Variants in VPS13D observed in about 807,000 individuals in gnomAD.
VPS13D encodes vacuolar protein sorting 13 homolog D.
VPS13D carries 187 observed loss-of-function variants against 461.9 expected under a neutral mutation model. The observed-to-expected ratio is 0.40, with a 90% CI of 0.36 to 0.46. The LOEUF (loss-of-function observed/expected upper bound fraction) is 0.46. VPS13D is among the 20% of genes least tolerant of loss of function. The pLI, the probability that VPS13D is intolerant of heterozygous loss-of-function variation, is 0.60. For synonymous variants in VPS13D, 1,951 were observed against 1,986.3 expected (o/e 0.98, Z 0.47); for missense variants, 4,711 against 5,364.9 (o/e 0.88, Z 3.81).
chr1:12,297,743 G>A (rs904344138), intron 24 of VPS13D, among the ~76,000 whole-genome samples: 1 of 152,124 alleles, frequency 6.6e-6, no homozygotes, highest in African/African-American at 2.4e-5. Flanking sequence ...CAGGTGCTAG[G>A]AACAGAGTGG....
At chr1:12,252,179 C>T (rs1024454107) in intron 6 of VPS13D, among the ~76,000 whole-genome samples, 14 of 152,098 alleles carry the variant, frequency 9.2e-5, no homozygotes, top group East Asian at 7.7e-4. Flanking sequence ...ACCTAATTTT[C>T]GAATAAGGTT....
At chr1:12,262,170 T>C in intron 13 of VPS13D, 90 bp downstream of exon 13, 1 of 1,426,578 alleles carries the variant, frequency 7.0e-7, no homozygotes, top group Non-Finnish European at 9.4e-7. Context: ...GGGGATAGTC[T>C]AGAAAGTCAG....
intron 66 of VPS13D, among the ~76,000 whole-genome samples, chr1:12,458,291 G>A (rs1005101336): frequency 2.0e-5 from 3 of 152,170 alleles, no homozygotes; most frequent in African/African-American, 7.2e-5. Context: ...TAAGAAATGG[G>A]AATTGTGCTC....
At chr1:12,438,428 G>A (rs968058538) in intron 65 of VPS13D, among the ~76,000 whole-genome samples, 1 of 152,186 alleles carries the variant, frequency 6.6e-6, no homozygotes, top group Non-Finnish European at 1.5e-5. Context: ...AGAACTGTGA[G>A]AAACAAATTT....
chr1:12,293,630 G>A lies in VPS13D; in HGVS notation c.5959G>A (p.Val1987Met). The A allele has an allele frequency of 6.2e-7, 1 of 1,614,194 alleles. No homozygotes were observed. Among genetic ancestry groups the A allele is most frequent in the Non-Finnish European group, 8.5e-7 (1 of 1,180,026 alleles). The change falls in exon 24 of 70, where the codon GTG becomes ATG. Residue 1987 changes from valine (V) to methionine (M), a missense_variant. Val to Met is a conservative substitution (Grantham distance 21). Coordinates refer to ENST00000620676, the MANE Select transcript of VPS13D (RefSeq NM_015378.4). ...VHTQRFQAEVVAFIQHFTQLQ... is the reference protein window; with the variant it reads ...VHTQRFQAEVMAFIQHFTQLQ... Reference sequence around the variant, plus strand: ...TACTCAGCGTTTCCAGGCAGAGGTGGTGGCCTTCATTCAGCATTTCACTCA... The same window carrying A: ...TACTCAGCGTTTCCAGGCAGAGGTGATGGCCTTCATTCAGCATTTCACTCA...
chr1:12,420,888 T>G (rs1428142344), intron 65 of VPS13D, among the ~76,000 whole-genome samples: 1 of 152,236 alleles, frequency 6.6e-6, no homozygotes, highest in African/African-American at 2.4e-5. Flanking sequence ...TTCTGTCACA[T>G]AAGAAGATAA....
chr1:12,358,135 A>G (rs1026082948), intron 49 of VPS13D, among the ~76,000 whole-genome samples: 1 of 152,224 alleles, frequency 6.6e-6, no homozygotes, highest in Admixed American at 6.5e-5. Context: ...TTTGACTTGA[A>G]TTCTTTATTT....
chr1:12,387,509 T>C (rs1644364797), intron 60 of VPS13D, among the ~76,000 whole-genome samples: 1 of 152,062 alleles, frequency 6.6e-6, no homozygotes, highest in Non-Finnish European at 1.5e-5. Context: ...TTGGAGGACG[T>C]TAAAACTGTT....
At chr1:12,247,295 C>G (rs1239026842) in intron 5 of VPS13D, among the ~76,000 whole-genome samples, 1 of 151,894 alleles carries the variant, frequency 6.6e-6, no homozygotes, top group Non-Finnish European at 1.5e-5. Context: ...TGCGTGTCGT[C>G]CCAGCTACTT....
At chr1:12,497,373 G>A (rs1476849659) in intron 67 of VPS13D, 127 bp from the exon 68 acceptor site, 3 of 1,181,392 alleles carry the variant, frequency 2.5e-6, no homozygotes, top group Non-Finnish European at 3.5e-6. Context: ...CAGTACTGTA[G>A]GTTAATTCTG....
At chr1:12,397,859 G>C (rs747305217) in intron 60 of VPS13D, among the ~76,000 whole-genome samples, 9 of 152,144 alleles carry the variant, frequency 5.9e-5, no homozygotes, top group Non-Finnish European at 1.2e-4. Context: ...ACCATTTCAG[G>C]CAATTCAGAG....
rs1641838588 is a variant in VPS13D at position 12,283,063 on chromosome 1, T to C, written c.4961T>C (p.Phe1654Ser). 1 of 1,614,068 alleles carries C rather than the reference T, an allele frequency of 6.2e-7. No individual in the cohort carries two copies. The highest frequency in any genetic ancestry group is 1.3e-5 in the African/African-American group (1 of 74,922). ...SLKFQDFEVEFSKDHPQTLSI... is the reference protein window; with the variant it reads ...SLKFQDFEVESSKDHPQTLSI... Reference sequence around the variant, plus strand: ...AAGTTTCAGGACTTTGAGGTGGAATTCAGTAAAGACCATCCCCAGACTTTA... The same window carrying C: ...AAGTTTCAGGACTTTGAGGTGGAATCCAGTAAAGACCATCCCCAGACTTTA... Residue 1654 changes from phenylalanine to serine, a missense_variant, in exon 21 of 70, where the codon TTC becomes TCC. By Grantham distance (155) the Phe-to-Ser change is radical. Transcript: ENST00000620676.
chr1:12,242,349 A>G, intron 2 of VPS13D, among the ~76,000 whole-genome samples, 164 bp from the exon 3 acceptor site: 1 of 152,204 alleles, frequency 6.6e-6, no homozygotes, highest in East Asian at 1.9e-4. Flanking sequence ...TTTAACCTAC[A>G]CATGATGTAG....
intron 63 of VPS13D, chr1:12,409,741 C>A: frequency 6.3e-6 from 2 of 315,494 alleles, no homozygotes; most frequent in Non-Finnish European, 1.2e-5. Flanking sequence ...GATTGTTAAC[C>A]AGCTTATAGC....
Position 12,283,219 on chromosome 1 carries a change from T to G in VPS13D, c.5117T>G (p.Leu1706Arg), listed in dbSNP as rs759199716. 6.2e-7 allele frequency: 1 copy of G among 1,614,170 alleles called. No individual in the cohort carries two copies. The highest frequency in any genetic ancestry group is 1.1e-5 in the South Asian group (1 of 91,084). Residue 1706 changes from leucine to arginine, a missense_variant, in exon 21 of 70, where the codon CTT (leucine) becomes CGT (arginine). By Grantham distance (102) the Leu-to-Arg change is moderately radical. This residue lies in a region of VPS13D where 4,411 missense variants were observed against 4,937.8 expected (regional missense o/e 0.89). Coordinates refer to ENST00000620676, the MANE Select transcript of VPS13D (RefSeq NM_015378.4). ...KPSSLAQKEY[L>R]SQSCPSVSNV... ...TCTAGTTTAGCACAAAAAGAATACC[T>G]TTCTCAGTCTTGCCCCTCAGTGTCC...
Position 12,253,990 on chromosome 1 carries a change from A to G in VPS13D, c.669+164A>G, listed in dbSNP as rs1018595471. ...AGTGTGTTTGCTTGAGGTACTTGCTATGTATGTGACTTCGAACAATATATA... is the reference window on the plus strand; with the variant it reads ...AGTGTGTTTGCTTGAGGTACTTGCTGTGTATGTGACTTCGAACAATATATA... On this transcript the variant is annotated intron_variant, in intron 7 of 69. Coordinates refer to ENST00000620676, the MANE Select transcript of VPS13D (RefSeq NM_015378.4). Among the ~76,000 whole-genome samples the G allele has an allele frequency of 4.6e-5, 7 of 152,200 alleles. No homozygotes were observed. In the East Asian group the frequency reaches 9.6e-4, roughly 21 times the overall value.
intron 19 of VPS13D, among the ~76,000 whole-genome samples, chr1:12,278,866 G>C (rs1157571102): frequency 1.3e-5 from 2 of 152,336 alleles, no homozygotes; most frequent in East Asian, 1.9e-4. Context: ...TTCTGGATCT[G>C]ATCAGCTAAA....
chr1:12,449,440 G>A (rs565655523), intron 65 of VPS13D, among the ~76,000 whole-genome samples: 1 of 149,380 alleles, frequency 6.7e-6, no homozygotes, highest in Admixed American at 6.7e-5. Flanking sequence ...CCACCCTTTC[G>A]TGATTTGGCT....
Position 12,281,708 on chromosome 1 carries a change from A to G in VPS13D, c.4603-997A>G, listed in dbSNP as rs1376343738. Among the ~76,000 whole-genome samples, 7 of 152,110 alleles carry G rather than the reference A, an allele frequency of 4.6e-5. No homozygotes were observed. The South Asian group carries it at 6.2e-4, about 14-fold the overall frequency. ...CAAGAGCCTTGATTTCTCCATTGCA[A>G]AATTCCCTGTCAGTCATTCACATAA... On this transcript the variant is annotated intron_variant, in intron 20 of 69. Transcript: ENST00000620676.
Sources: allele counts gnomAD v4.1 joint callset (sites outside exome capture counted in the v4.1 genomes callset), GRCh38; gene constraint gnomAD v4.1.1; regional missense constraint gnomAD v4.1.1; transcripts MANE v1.5; gene names NCBI Gene and HGNC (gene_info 2026-07-23, HGNC 2026-07-21).